The following BNC2 variants were observed in gnomAD, a reference collection of about 807,000 sequenced individuals.
BNC2 encodes the protein zinc finger protein basonuclin-2.
In BNC2, 20 loss-of-function variants were observed where a neutral mutation model predicts 76.3. That is an observed-to-expected ratio of 0.26 (90% CI 0.18 to 0.38). BNC2 has a LOEUF of 0.38. Ranked by LOEUF, BNC2 falls within the 10% of genes least tolerant of loss-of-function variation. The pLI is 1.00. For synonymous variants in BNC2, 582 were observed against 514.8 expected, an observed-to-expected ratio of 1.13 and a Z score of -1.77; for missense variants, 1,382 against 1,399.8, an observed-to-expected ratio of 0.99 and a Z score of 0.20.
intron 5 of BNC2, among the ~76,000 whole-genome samples, chr9:16,542,306 GT>G (rs1384945383): frequency 3.3e-5 from 5 of 152,074 alleles, no homozygotes; most frequent in African/African-American, 1.2e-4. Flanking sequence ...GGGGCCTCAT[GT>G]ATTATGATCT....
At chr9:16,556,359 C>T (rs1047566668) in intron 4 of BNC2, among the ~76,000 whole-genome samples, 3 of 151,716 alleles carry the variant, frequency 2.0e-5, no homozygotes, top group African/African-American at 7.3e-5. Flanking sequence ...GCCCTGAGGA[C>T]GATGAAAAGG....
intron 3 of BNC2, among the ~76,000 whole-genome samples, chr9:16,686,280 T>A (rs1490805283): frequency 6.6e-6 from 1 of 152,310 alleles, no homozygotes; most frequent in East Asian, 1.9e-4. Flanking sequence ...TGTTTCTCTA[T>A]ATCTAAAATT....
chr9:16,555,746 A>G lies in BNC2; in HGVS notation c.434-2981T>C, dbSNP rs377337100. Among the ~76,000 whole-genome samples the G allele has an allele frequency of 1.7e-4, 26 of 152,140 alleles. No individual in the cohort carries two copies. The East Asian group carries it at 2.5e-3, about 15-fold the overall frequency. On this transcript the variant is annotated intron_variant, in intron 4 of 6. Coordinates refer to ENST00000380672, the MANE Select transcript of BNC2 (RefSeq NM_017637.6). ...GGGGAGATCCAGGCTGCAGTGAGCCATGATTGTATCACTGTACTCCAGCCT... is the reference window on the plus strand; with the variant it reads ...GGGGAGATCCAGGCTGCAGTGAGCCGTGATTGTATCACTGTACTCCAGCCT...
At chr9:16,593,129 A>G (rs531039410) in intron 3 of BNC2, among the ~76,000 whole-genome samples, 107 of 151,636 alleles carry the variant, frequency 7.1e-4, no homozygotes, top group African/African-American at 2.5e-3. Flanking sequence ...TGTCATGTAT[A>G]CCAGCAAAAA....
chr9:16,462,986 C>G (rs191350948), intron 5 of BNC2, among the ~76,000 whole-genome samples: 2 of 152,116 alleles, frequency 1.3e-5, no homozygotes, highest in East Asian at 3.9e-4. Flanking sequence ...TTCTGGGGAA[C>G]TGATCATTTC....
intron 3 of BNC2, among the ~76,000 whole-genome samples, chr9:16,621,385 T>C (rs1587244179): frequency 6.6e-6 from 1 of 152,136 alleles, no homozygotes; most frequent in Non-Finnish European, 1.5e-5. Context: ...ACTGAGACAG[T>C]ATGGCTTCAC....
At chr9:16,663,762 G>C (rs796948454) in intron 3 of BNC2, among the ~76,000 whole-genome samples, 16 of 152,156 alleles carry the variant, frequency 1.1e-4, no homozygotes, top group African/African-American at 3.6e-4. Context: ...TAAAGAGTCA[G>C]GTGTGAATAT....
At chr9:16,764,846 G>C (rs1446016539) in intron 1 of BNC2, among the ~76,000 whole-genome samples, 1 of 149,834 alleles carries the variant, frequency 6.7e-6, no homozygotes, top group East Asian at 2.0e-4. Context: ...TAAGCTTATG[G>C]TCAATGAAAG....
At chr9:16,489,826 T>C (rs1031476906) in intron 5 of BNC2, among the ~76,000 whole-genome samples, 1 of 152,208 alleles carries the variant, frequency 6.6e-6, no homozygotes, top group Non-Finnish European at 1.5e-5. Context: ...CTCAAAAGAA[T>C]GTTAACAAAA....
At chr9:16,460,900 A>G (rs1421458743) in intron 5 of BNC2, among the ~76,000 whole-genome samples, 1 of 152,042 alleles carries the variant, frequency 6.6e-6, no homozygotes, top group East Asian at 1.9e-4. Context: ...GATAATACAT[A>G]CTTGTGGCCT....
At chr9:16,608,848 C>T (rs917218466) in intron 3 of BNC2, among the ~76,000 whole-genome samples, 2 of 152,310 alleles carry the variant, frequency 1.3e-5, no homozygotes, top group African/African-American at 2.4e-5. Flanking sequence ...AGTCAAACTC[C>T]ACTTCCTCTT....
At chr9:16,587,461 G>A (rs1819804587) in intron 3 of BNC2, among the ~76,000 whole-genome samples, 1 of 152,096 alleles carries the variant, frequency 6.6e-6, no homozygotes, top group Non-Finnish European at 1.5e-5. Context: ...CAAAGATTAT[G>A]TATCCCTTCC....
intron 1 of BNC2, among the ~76,000 whole-genome samples, chr9:16,767,133 G>A (rs1825717356): frequency 6.6e-6 from 1 of 152,208 alleles, no homozygotes; most frequent in South Asian, 2.1e-4. Context: ...GTGAGGGAGA[G>A]GGATGAAATG....
intron 5 of BNC2, among the ~76,000 whole-genome samples, chr9:16,522,763 T>C (rs921005994): frequency 2.6e-5 from 4 of 152,182 alleles, no homozygotes; most frequent in African/African-American, 4.8e-5. Flanking sequence ...TCAGCTATTT[T>C]TTCCCCCTTC....
At chr9:16,450,469 A>G (rs1821318068) in intron 5 of BNC2, among the ~76,000 whole-genome samples, 1 of 152,244 alleles carries the variant, frequency 6.6e-6, no homozygotes, top group South Asian at 2.1e-4. Flanking sequence ...GATGTAAAAT[A>G]TTCAAAATGC....
chr9:16,434,992 A>G, intron 6 of BNC2: 1 of 471,234 alleles, frequency 2.1e-6, no homozygotes, highest in Non-Finnish European at 4.4e-6. Context: ...TCAAGGACAC[A>G]CTAAATACTC....
At chr9:16,678,173 G>A (rs1822708226) in intron 3 of BNC2, among the ~76,000 whole-genome samples, 1 of 151,836 alleles carries the variant, frequency 6.6e-6, no homozygotes, top group South Asian at 2.1e-4. Flanking sequence ...AGGGACGAAG[G>A]GGTGAAGGGA....
At chr9:16,525,152 A>G (rs1429228334) in intron 5 of BNC2, among the ~76,000 whole-genome samples, 1 of 152,142 alleles carries the variant, frequency 6.6e-6, no homozygotes, top group Non-Finnish European at 1.5e-5. Context: ...TGATAACTAG[A>G]TAACATTAAC....
At chr9:16,821,883 G>C (rs1317146204) in intron 1 of BNC2, among the ~76,000 whole-genome samples, 1 of 152,178 alleles carries the variant, frequency 6.6e-6, no homozygotes, top group East Asian at 1.9e-4. Flanking sequence ...CACGAGGTCA[G>C]GAGATCGAGA....
Sources: gnomAD v4.1 joint callset for allele counts (sites outside exome capture counted in the v4.1 genomes callset) on GRCh38, gnomAD v4.1.1 for gene constraint, MANE v1.5 for transcripts, NCBI Gene and HGNC (gene_info 2026-07-23, HGNC 2026-07-21) for gene names.